Variants in GABBR2 observed in about 807,000 individuals in gnomAD.
GABBR2 encodes the protein gamma-aminobutyric acid type B receptor subunit 2, also known as G-protein coupled receptor 51.
In GABBR2, 23 loss-of-function variants were observed where a neutral mutation model predicts 105.6. The ratio of observed to expected loss-of-function variants is 0.22; its 90% confidence interval spans 0.16 to 0.31. GABBR2 has a LOEUF of 0.31. Ranked by LOEUF, GABBR2 falls within the 10% of genes least tolerant of loss-of-function variation. GABBR2 has a pLI of 1.00. For synonymous variants in GABBR2, 478 were observed against 499.7 expected (o/e 0.96, Z 0.58); for missense variants, 734 against 1,245.5 (o/e 0.59, Z 6.18).
At chr9:98,338,825 GT>G (rs1831160565) in intron 13 of GABBR2, among the ~76,000 whole-genome samples, 1 of 152,144 alleles carries the variant, frequency 6.6e-6, no homozygotes, top group African/African-American at 2.4e-5. Context: ...ACAAAAATTT[GT>G]GCATGAATGC....
At chr9:98,623,573 A>G (rs1363716338) in intron 1 of GABBR2, among the ~76,000 whole-genome samples, 2 of 152,334 alleles carry the variant, frequency 1.3e-5, no homozygotes, top group East Asian at 3.9e-4. Flanking sequence ...GCCACTAAGG[A>G]AGAACCCATT....
chr9:98,629,368 T>A (rs1829787824), intron 1 of GABBR2, among the ~76,000 whole-genome samples: 1 of 152,230 alleles, frequency 6.6e-6, no homozygotes, highest in Non-Finnish European at 1.5e-5. Flanking sequence ...CCTAAGTTGA[T>A]TCTAATCATT....
chr9:98,496,601 G>A lies in GABBR2; in HGVS notation c.631-87C>T, dbSNP rs557718625. 7.3e-6 allele frequency: 6 copies of A among 818,394 alleles called. No homozygotes were observed. The African/African-American group carries it at 8.4e-5, about 11-fold the overall frequency. 50.7% of individuals were successfully genotyped at this position (818,394 alleles called of 1,614,324 possible). ...AGGGGTCACCCTGGGGAAGTCAATTGGGCAAAGCGATTTTCTCTACCGACA... is the reference window on the plus strand; with the variant it reads ...AGGGGTCACCCTGGGGAAGTCAATTAGGCAAAGCGATTTTCTCTACCGACA... On this transcript the variant is annotated intron_variant, in intron 3 of 18. Coordinates refer to ENST00000259455, the MANE Select transcript of GABBR2 (RefSeq NM_005458.8).
In GABBR2 at chr9:98,289,626, A is replaced by AAGTT. The variant is rs530273939; in HGVS notation, c.*954_*957dup. 754 of 137,954 alleles carry AAGTT rather than the reference A, an allele frequency of 5.5e-3. 10 individuals carry two copies. Among genetic ancestry groups the AAGTT allele is most frequent in the Middle Eastern group, 0.01 (3 of 286 alleles). The allele number at this position is 137,954 out of a possible 1,614,324, so 8.5% of individuals were successfully genotyped here. A position where few individuals can be genotyped will look rare whatever the true frequency, so the allele number is the denominator to read the frequency against. On this transcript the variant is annotated 3_prime_UTR_variant, in exon 19 of 19. Transcript: ENST00000259455. ...CTCCAATTCACTTTGGTCAGAAACA[A>AAGTT]AGTTAGTGGGAAAAAAAAAAAAAAA...
At position 98,290,743 on chromosome 9, in the gene GABBR2, C is replaced by T. The variant is rs2131331775; in HGVS notation, c.2667G>A (p.Gln889=). ...TGGGGAGCTGGAGGGACAGCCGACG[C>T]TGGATGCTGAAGAGAAGGAGAGGGA... ...IEDINSPEHI[Q]RRLSLQLPIL... The change falls in exon 19 of 19, where the codon CAG becomes CAA. Residue 889 remains glutamine, a synonymous_variant. Transcript: ENST00000259455. 6.7e-7 allele frequency: 1 copy of T among 1,483,586 alleles called. No individual in the cohort carries two copies. The allele number at this position is 1,483,586 out of a possible 1,614,324, so 91.9% of individuals were successfully genotyped here. A position where few individuals can be genotyped will look rare whatever the true frequency, so the allele number is the denominator to read the frequency against.
intron 2 of GABBR2, among the ~76,000 whole-genome samples, chr9:98,570,605 AG>A (rs1245090816): frequency 3.3e-5 from 5 of 152,100 alleles, no homozygotes; most frequent in East Asian, 3.9e-4. Context: ...GGTTTTTCCC[AG>A]GCCCCATGCT....
In GABBR2 at chr9:98,299,206, G is replaced by A. The variant is rs1350511953; in HGVS notation, c.2542+18C>T. On this transcript the variant is annotated intron_variant, in intron 17 of 18. Coordinates refer to ENST00000259455, the MANE Select transcript of GABBR2 (RefSeq NM_005458.8). ...AAACCAAGGTCCCTACCACATTCTG[G>A]GGCCCTGGCTCTCTTACCTGTGCTC... The A allele has an allele frequency of 1.2e-6, 2 of 1,611,632 alleles. No homozygotes were observed. Among genetic ancestry groups the A allele is most frequent in the Non-Finnish European group, 1.7e-6 (2 of 1,178,208 alleles).
At chr9:98,320,833 TG>T (rs1387437724) in intron 13 of GABBR2, among the ~76,000 whole-genome samples, 7 of 20,560 alleles carry the variant, frequency 3.4e-4, no homozygotes, top group African/African-American at 1.4e-3. Flanking sequence ...TGTTGTGGTG[TG>T]GGGGGAGGGG....
intron 1 of GABBR2, among the ~76,000 whole-genome samples, 181 bp downstream of exon 1, chr9:98,708,236 G>T (rs1830927262): frequency 6.6e-6 from 1 of 150,748 alleles, no homozygotes. Context: ...AATGTTACCA[G>T]CTGTGCCAGC....
At chr9:98,311,236 T>C in intron 13 of GABBR2, 31 bp from the exon 14 acceptor site, 1 of 1,380,548 alleles carries the variant, frequency 7.2e-7, no homozygotes, top group Non-Finnish European at 1.0e-6. Flanking sequence ...GACTCAGGGA[T>C]GGCACAGGAC....
At chr9:98,472,259 T>A (rs2131629415) in intron 6 of GABBR2, among the ~76,000 whole-genome samples, 1 of 152,354 alleles carries the variant, frequency 6.6e-6, no homozygotes, top group African/African-American at 2.4e-5. Context: ...ACCAGGGCTA[T>A]CATCACCTGA....
intron 3 of GABBR2, among the ~76,000 whole-genome samples, chr9:98,515,379 A>G (rs760435792): frequency 9.9e-5 from 15 of 152,186 alleles, no homozygotes; most frequent in Non-Finnish European, 1.5e-5. Flanking sequence ...TTGCACTTCA[A>G]GGTGGAGTTT....
chr9:98,586,969 G>A (rs1829086937), intron 1 of GABBR2, among the ~76,000 whole-genome samples: 1 of 152,154 alleles, frequency 6.6e-6, no homozygotes, highest in Non-Finnish European at 1.5e-5. Flanking sequence ...GTATAAACCT[G>A]GAAATTGAAT....
At chr9:98,418,036 C>T (rs1832718977) in intron 7 of GABBR2, among the ~76,000 whole-genome samples, 1 of 152,062 alleles carries the variant, frequency 6.6e-6, no homozygotes, top group African/African-American at 2.4e-5. Context: ...ATGCAGGAGC[C>T]ACATCAGGCA....
intron 11 of GABBR2, among the ~76,000 whole-genome samples, chr9:98,371,980 T>C (rs2131463556): frequency 6.6e-6 from 1 of 152,314 alleles, no homozygotes; most frequent in African/African-American, 2.4e-5. Flanking sequence ...TCAGGCCATG[T>C]GGCTACTACT....
chr9:98,521,962 C>A (rs988512655), intron 3 of GABBR2, among the ~76,000 whole-genome samples: 3 of 152,018 alleles, frequency 2.0e-5, no homozygotes, highest in Non-Finnish European at 4.4e-5. Context: ...ATTGTAATAC[C>A]CATTTTGTAT....
intron 1 of GABBR2, among the ~76,000 whole-genome samples, chr9:98,581,880 A>G (rs1006405092): frequency 5.9e-5 from 9 of 152,248 alleles, no homozygotes; most frequent in African/African-American, 1.9e-4. Flanking sequence ...CTTTCTGAAT[A>G]TCCAGCCCAT....
chr9:98,341,907 G>A (rs186701395), intron 13 of GABBR2, among the ~76,000 whole-genome samples: 2 of 152,324 alleles, frequency 1.3e-5, no homozygotes, highest in Admixed American at 1.3e-4. Context: ...CAGATGGGTT[G>A]AAATTGGACA....
At chr9:98,596,829 A>G (rs1829242735) in intron 1 of GABBR2, among the ~76,000 whole-genome samples, 1 of 152,054 alleles carries the variant, frequency 6.6e-6, no homozygotes, top group African/African-American at 2.4e-5. Context: ...CCTCCCCTTA[A>G]CAGCTAGAGC....
Sources: gnomAD v4.1 joint callset for allele counts (sites outside exome capture counted in the v4.1 genomes callset) on GRCh38, gnomAD v4.1.1 for gene constraint, MANE v1.5 for transcripts, NCBI Gene and HGNC (gene_info 2026-07-23, HGNC 2026-07-21) for gene names.